Variants in TTC39C observed in about 807,000 individuals in gnomAD.
TTC39C encodes the protein tetratricopeptide repeat domain 39C.
In TTC39C, 33 loss-of-function variants were observed where a neutral mutation model predicts 76.3. The observed-to-expected ratio is 0.43, with a 90% CI of 0.33 to 0.58. The LOEUF is 0.58. Among genes scored for constraint, TTC39C ranks in the 20% least tolerant of loss-of-function variants. The pLI is 0.04. For synonymous variants in TTC39C, 254 were observed against 260.6 expected, an observed-to-expected ratio of 0.97 and a Z score of 0.24; for missense variants, 595 against 701.4, an observed-to-expected ratio of 0.85 and a Z score of 1.71.
At chr18:24,050,803 C>T (rs1243449320) in intron 1 of TTC39C, among the ~76,000 whole-genome samples, 2 of 148,236 alleles carry the variant, frequency 1.3e-5, no homozygotes, top group African/African-American at 2.5e-5. Context: ...ACCCGGGATG[C>T]GAAAGTTGCA....
At chr18:24,087,428 C>T (rs551916469) in intron 6 of TTC39C, among the ~76,000 whole-genome samples, 17 of 152,160 alleles carry the variant, frequency 1.1e-4, no homozygotes, top group Non-Finnish European at 2.4e-4. Flanking sequence ...TACTTTCACA[C>T]ACATACCTTA....
chr18:24,035,046 A>T (rs897773394), intron 1 of TTC39C, among the ~76,000 whole-genome samples: 35 of 150,036 alleles, frequency 2.3e-4, no homozygotes, highest in Non-Finnish European at 4.4e-4. Flanking sequence ...TTATTTCTTT[A>T]TTTTTTTTTT....
chr18:24,133,965 A>G lies in TTC39C; in HGVS notation c.*1391A>G, dbSNP rs914835418. The G allele has an allele frequency of 2.0e-5, 3 of 152,916 alleles. No homozygotes were observed. Among genetic ancestry groups the G allele is most frequent in the South Asian group, 2.1e-4 (1 of 4,830 alleles). The allele number at this position is 152,916 out of a possible 1,614,324, so 9.5% of individuals were successfully genotyped here. A position where few individuals can be genotyped will look rare whatever the true frequency, so the allele number is the denominator to read the frequency against. ...CAGAAAAGCAAGTAGAATGTTGGCAAATTTTATCTGATTTGACCTTGTTTT... is the reference window on the plus strand; with the variant it reads ...CAGAAAAGCAAGTAGAATGTTGGCAGATTTTATCTGATTTGACCTTGTTTT... On this transcript the variant is annotated 3_prime_UTR_variant, in exon 14 of 14. Transcript: ENST00000317571.
intron 4 of TTC39C, among the ~76,000 whole-genome samples, chr18:24,071,160 C>G (rs141238941): frequency 2.7e-3 from 407 of 152,228 alleles, no homozygotes; most frequent in African/African-American, 9.4e-3. Context: ...GAACTCTGAC[C>G]TTGTGATCTG....
chr18:24,029,739 T>G (rs547629874), intron 1 of TTC39C, among the ~76,000 whole-genome samples: 1 of 152,286 alleles, frequency 6.6e-6, no homozygotes, highest in Admixed American at 6.5e-5. Context: ...CCCACATAAA[T>G]GAGAACATAC....
At chr18:24,066,951 C>G (rs2084173429) in intron 3 of TTC39C, among the ~76,000 whole-genome samples, 1 of 152,184 alleles carries the variant, frequency 6.6e-6, no homozygotes, top group South Asian at 2.1e-4. Context: ...TTGACATTTT[C>G]TCAAGTGAAT....
At chr18:24,112,602 A>G (rs151299985) in intron 6 of TTC39C, among the ~76,000 whole-genome samples, 75 of 152,324 alleles carry the variant, frequency 4.9e-4, no homozygotes, top group African/African-American at 1.8e-3. Context: ...TCCCTGGCAC[A>G]TAGCGGTTGC....
intron 1 of TTC39C, among the ~76,000 whole-genome samples, chr18:24,003,096 A>G (rs1359139350): frequency 6.6e-6 from 1 of 151,760 alleles, no homozygotes; most frequent in Non-Finnish European, 1.5e-5. Context: ...AGGGCTGACC[A>G]CCTCTCCTGC....
At chr18:24,082,295 C>T (rs1024862842) in intron 5 of TTC39C, among the ~76,000 whole-genome samples, 2 of 151,818 alleles carry the variant, frequency 1.3e-5, no homozygotes, top group African/African-American at 2.4e-5. Flanking sequence ...CTTCAAAGGC[C>T]AGAGAAAGAG....
At chr18:24,068,252 C>T (rs1408859940) in intron 3 of TTC39C, among the ~76,000 whole-genome samples, 1 of 152,106 alleles carries the variant, frequency 6.6e-6, no homozygotes, top group African/African-American at 2.4e-5. Flanking sequence ...TTATGACAAA[C>T]GAGGAAACAG....
chr18:24,058,711 G>T (rs1295545682), intron 1 of TTC39C, among the ~76,000 whole-genome samples: 1 of 152,044 alleles, frequency 6.6e-6, no homozygotes, highest in Non-Finnish European at 1.5e-5. Context: ...AGTTACTAGA[G>T]TAGGCATACG....
At chr18:24,053,193 A>G (rs1422682446) in intron 1 of TTC39C, among the ~76,000 whole-genome samples, 1 of 152,138 alleles carries the variant, frequency 6.6e-6, no homozygotes, top group African/African-American at 2.4e-5. Flanking sequence ...CTTCGAATAA[A>G]CCATTTCCCA....
At chr18:24,113,524 A>G in intron 6 of TTC39C, 1 of 696,918 alleles carries the variant, frequency 1.4e-6, no homozygotes, top group East Asian at 2.7e-5. Context: ...CGCACCTGGA[A>G]GCCCAGGGGA....
At chr18:24,045,910 TATATATATA>T (rs2083867699) in intron 1 of TTC39C, among the ~76,000 whole-genome samples, 65 of 35,622 alleles carry the variant, frequency 1.8e-3, no homozygotes, top group East Asian at 2.3e-3. Flanking sequence ...TATATATATA[TATATATATA>T]TATATATATT....
Position 24,092,456 on chromosome 18 carries a change from A to G in TTC39C, c.984+9375A>G, listed in dbSNP as rs148358945. Among the ~76,000 whole-genome samples the G allele has an allele frequency of 2.8e-3, 426 of 152,362 alleles. 1 individual carries two copies. Among genetic ancestry groups the G allele is most frequent in the African/African-American group, 0.01 (419 of 41,580 alleles). Reference sequence around the variant, plus strand: ...ACACCACTCCATATTATTATCCATAATAGCCAAAAAGTGGCAACAGCTCAG... The same window carrying G: ...ACACCACTCCATATTATTATCCATAGTAGCCAAAAAGTGGCAACAGCTCAG... On this transcript the variant is annotated intron_variant, in intron 6 of 13. Transcript: ENST00000317571.
intron 1 of TTC39C, among the ~76,000 whole-genome samples, chr18:24,042,178 T>C (rs2083802067): frequency 6.6e-6 from 1 of 152,218 alleles, no homozygotes; most frequent in South Asian, 2.1e-4. Flanking sequence ...ATGATATACT[T>C]AGGCATTATG....
intron 1 of TTC39C, chr18:24,020,162 C>A: frequency 8.3e-7 from 1 of 1,199,678 alleles, no homozygotes. Flanking sequence ...GCGGGAAAGA[C>A]AGGAAACTCA....
chr18:24,074,671 G>A (rs546176000), intron 4 of TTC39C, among the ~76,000 whole-genome samples: 1 of 152,274 alleles, frequency 6.6e-6, no homozygotes, highest in African/African-American at 2.4e-5. Context: ...GAGAGGATGT[G>A]GAGAAATAGG....
rs1396206945 is a variant in TTC39C, at chr18:24,024,209, C to A, written c.167+9171C>A. Among the ~76,000 whole-genome samples the A allele has an allele frequency of 2.0e-5, 3 of 149,036 alleles. No individual in the cohort carries two copies. In the South Asian group the frequency reaches 6.5e-4, roughly 32 times the overall value. ...TGTACTTTTAGTAGAGACCGGGTTT[C>A]GCTATATTGGTCAGGCTGGTCTTGA... On this transcript the variant is annotated intron_variant, in intron 1 of 13. Transcript: ENST00000317571.
Sources: allele counts gnomAD v4.1 joint callset (sites outside exome capture counted in the v4.1 genomes callset), GRCh38; gene constraint gnomAD v4.1.1; transcripts MANE v1.5; gene names NCBI Gene and HGNC (gene_info 2026-07-23, HGNC 2026-07-21).